Variants in SLC9A9 observed in about 807,000 individuals in gnomAD.
SLC9A9 encodes sodium/hydrogen exchanger 9.
A neutral mutation model predicts 77.8 loss-of-function variants in SLC9A9; 62 were observed. The observed-to-expected ratio is 0.80, with a 90% CI of 0.65 to 0.98. The LOEUF (loss-of-function observed/expected upper bound fraction) is 0.98, where lower values mean the gene tolerates loss of function less well. Among genes scored for constraint, SLC9A9 ranks in the 50% least tolerant of loss-of-function variants. SLC9A9 has a pLI of 0.00. For synonymous variants in SLC9A9, 320 were observed against 283.5 expected, an observed-to-expected ratio of 1.13 and a Z score of -1.29; for missense variants, 775 against 774.9, an observed-to-expected ratio of 1.00 and a Z score of 0.00.
intron 13 of SLC9A9, among the ~76,000 whole-genome samples, chr3:143,367,598 G>T (rs2032946352): frequency 6.6e-6 from 1 of 152,192 alleles, no homozygotes. Flanking sequence ...TGTGCTAAGG[G>T]AAGGCCGGTC....
At chr3:143,503,543 C>A in intron 9 of SLC9A9, 1 of 402,704 alleles carries the variant, frequency 2.5e-6, no homozygotes, top group South Asian at 1.9e-5. Flanking sequence ...GATGGCAGGT[C>A]AGGTCTGTGA....
chr3:143,649,036 C>A (rs529559897), intron 6 of SLC9A9, among the ~76,000 whole-genome samples: 1 of 152,270 alleles, frequency 6.6e-6, no homozygotes, highest in African/African-American at 2.4e-5. Context: ...TTTTGTTGAC[C>A]TCAGTTTAGG....
intron 4 of SLC9A9, among the ~76,000 whole-genome samples, chr3:143,776,291 T>C (rs1321520154): frequency 6.6e-6 from 1 of 152,210 alleles, no homozygotes. Context: ...TTATTAACAG[T>C]ACTCTTAAAC....
chr3:143,475,563 C>T (rs1224570336), intron 11 of SLC9A9, among the ~76,000 whole-genome samples: 2 of 151,808 alleles, frequency 1.3e-5, no homozygotes, highest in Non-Finnish European at 2.9e-5. Context: ...GAGGCCAAGG[C>T]GGGTGGATCA....
At chr3:143,327,516 T>C (rs2031641131) in intron 14 of SLC9A9, among the ~76,000 whole-genome samples, 1 of 152,184 alleles carries the variant, frequency 6.6e-6, no homozygotes, top group South Asian at 2.1e-4. Context: ...GCAGATTGAT[T>C]CCATTTCTTA....
At chr3:143,551,843 G>A (rs2036891992) in intron 9 of SLC9A9, among the ~76,000 whole-genome samples, 1 of 152,180 alleles carries the variant, frequency 6.6e-6, no homozygotes, top group African/African-American at 2.4e-5. Flanking sequence ...GAGTGGCTGT[G>A]CAGCAAATGT....
rs189110168 is a variant in SLC9A9, at chr3:143,460,722, C to T, written c.1469+6315G>A. Among the ~76,000 whole-genome samples, 225 of 152,178 alleles carry T rather than the reference C, an allele frequency of 1.5e-3. 1 individual carries two copies. The highest frequency in any genetic ancestry group is 5.2e-3 in the African/African-American group (216 of 41,526). On this transcript the variant is annotated intron_variant, in intron 12 of 15. Transcript: ENST00000316549. ...GACAATTTGGCACACAGAAATAAAG[C>T]GTATTAAAGAACCCAGATGGCACTG... is the stretch of plus-strand genomic sequence containing the variant.
chr3:143,632,529 G>A (rs2038444819), intron 6 of SLC9A9, among the ~76,000 whole-genome samples: 1 of 152,052 alleles, frequency 6.6e-6, no homozygotes, highest in Non-Finnish European at 1.5e-5. Context: ...CCACCACACA[G>A]TAACATTACC....
At chr3:143,707,969 C>G (rs886977180) in intron 4 of SLC9A9, among the ~76,000 whole-genome samples, 1 of 152,176 alleles carries the variant, frequency 6.6e-6, no homozygotes, top group African/African-American at 2.4e-5. Flanking sequence ...CTCACTCACC[C>G]TTGCATGTTT....
At chr3:143,727,961 A>T (rs1259623945) in intron 4 of SLC9A9, among the ~76,000 whole-genome samples, 1 of 152,228 alleles carries the variant, frequency 6.6e-6, no homozygotes, top group Admixed American at 6.5e-5. Flanking sequence ...ATTAAGTCAC[A>T]GTTATGGCTA....
chr3:143,559,402 G>A (rs74662185), intron 8 of SLC9A9, among the ~76,000 whole-genome samples: 47 of 152,236 alleles, frequency 3.1e-4, no homozygotes, highest in African/African-American at 9.1e-4. Context: ...CGTGTAAGAC[G>A]TTCCTATCAT....
intron 5 of SLC9A9, among the ~76,000 whole-genome samples, chr3:143,687,795 T>C (rs573661372): frequency 6.6e-6 from 1 of 152,114 alleles, no homozygotes; most frequent in East Asian, 1.9e-4. Flanking sequence ...CTTCCAATAA[T>C]GTATAAAATC....
intron 4 of SLC9A9, among the ~76,000 whole-genome samples, chr3:143,758,259 C>A (rs1431864202): frequency 2.0e-5 from 3 of 152,172 alleles, no homozygotes; most frequent in Non-Finnish European, 2.9e-5. Flanking sequence ...CAGATGTATT[C>A]TAAAGTCCTT....
chr3:143,709,193 G>A (rs1356156314), intron 4 of SLC9A9, among the ~76,000 whole-genome samples: 3 of 152,048 alleles, frequency 2.0e-5, no homozygotes, highest in Admixed American at 1.3e-4. Flanking sequence ...TCTCAAATTC[G>A]CTGCATATTA....
At chr3:143,513,362 A>G (rs1251008455) in intron 9 of SLC9A9, among the ~76,000 whole-genome samples, 1 of 152,202 alleles carries the variant, frequency 6.6e-6, no homozygotes, top group East Asian at 1.9e-4. Context: ...TCCATAAGAA[A>G]CAACTCATCT....
At chr3:143,301,762 G>A (rs375186283) in intron 14 of SLC9A9, among the ~76,000 whole-genome samples, 101 of 152,312 alleles carry the variant, frequency 6.6e-4, no homozygotes, top group African/African-American at 2.4e-3. Flanking sequence ...CTGTCCTAGA[G>A]TGTTCCGCTT....
intron 14 of SLC9A9, among the ~76,000 whole-genome samples, chr3:143,311,220 C>G (rs1291466481): frequency 1.3e-5 from 2 of 152,204 alleles, no homozygotes; most frequent in Non-Finnish European, 2.9e-5. Flanking sequence ...TGCCCAGCAT[C>G]TCTCTATTGG....
chr3:143,280,284 A>C (rs1938177286), intron 14 of SLC9A9, among the ~76,000 whole-genome samples: 1 of 152,146 alleles, frequency 6.6e-6, no homozygotes, highest in African/African-American at 2.4e-5. Flanking sequence ...CACACTTCCC[A>C]CCCCAGCAAT....
At chr3:143,742,379 A>G (rs1183483987) in intron 4 of SLC9A9, among the ~76,000 whole-genome samples, 2 of 151,928 alleles carry the variant, frequency 1.3e-5, no homozygotes, top group African/African-American at 2.4e-5. Context: ...TGCGTGAATT[A>G]CTCTTTCTCT....
Sources: allele counts gnomAD v4.1 joint callset (sites outside exome capture counted in the v4.1 genomes callset), GRCh38; gene constraint gnomAD v4.1.1; transcripts MANE v1.5; gene names NCBI Gene and HGNC (gene_info 2026-07-23, HGNC 2026-07-21).